The following PCLO variants were observed in gnomAD, a reference collection of about 807,000 sequenced individuals.
The protein encoded by PCLO is protein piccolo.
Under a neutral mutation model 427.5 loss-of-function variants are expected in PCLO, and 82 were observed. That is an observed-to-expected ratio of 0.19 (90% CI 0.16 to 0.23). PCLO has a LOEUF of 0.23. Among genes scored for constraint, PCLO ranks in the 10% least tolerant of loss-of-function variants. The pLI, the probability that PCLO is intolerant of heterozygous loss-of-function variation, is 1.00. For missense variants in PCLO, 6,239 were observed against 6,115.9 expected (o/e 1.02, Z -0.67); for synonymous variants, 2,357 against 2,155.4 (o/e 1.09, Z -2.59).
At chr7:82,781,621 A>T (rs1201831800) in intron 22 of PCLO, among the ~76,000 whole-genome samples, 1 of 152,118 alleles carries the variant, frequency 6.6e-6, no homozygotes, top group Admixed American at 6.5e-5. Context: ...CCCTTATTAC[A>T]GTCTTTTGTT....
intron 20 of PCLO, chr7:82,821,726 A>G: frequency 2.0e-6 from 2 of 983,582 alleles, no homozygotes; most frequent in Non-Finnish European, 2.4e-6. Context: ...TAGAAAAAAT[A>G]TCTGTAAAAT....
chr7:82,769,127 T>G (rs1790593141), intron 22 of PCLO, among the ~76,000 whole-genome samples: 2 of 152,166 alleles, frequency 1.3e-5, no homozygotes, highest in South Asian at 2.1e-4. Flanking sequence ...AAACACTGAC[T>G]TCATGGGAAT....
chr7:82,862,566 CAAAAAAAAAA>C (rs36075501), intron 10 of PCLO, among the ~76,000 whole-genome samples: 2 of 92,232 alleles, frequency 2.2e-5, no homozygotes, highest in Non-Finnish European at 4.3e-5. Context: ...GACTCTGCCT[CAAAAAAAAAA>C]AAAAAAAAAA....
At chr7:82,822,286 G>C (rs1562801280) in intron 20 of PCLO, 1 of 1,407,940 alleles carries the variant, frequency 7.1e-7, no homozygotes, top group Non-Finnish European at 9.2e-7. Context: ...GAAACAGCCA[G>C]TTTTATTTCA....
At chr7:83,075,162 A>C (rs959191137) in intron 3 of PCLO, among the ~76,000 whole-genome samples, 7 of 152,192 alleles carry the variant, frequency 4.6e-5, no homozygotes, top group African/African-American at 1.7e-4. Flanking sequence ...TGTTACTATC[A>C]AACCTAAAAA....
chr7:82,974,134 C>A (rs1449136298), intron 3 of PCLO, among the ~76,000 whole-genome samples: 1 of 152,070 alleles, frequency 6.6e-6, no homozygotes, highest in East Asian at 1.9e-4. Context: ...CATCTGTAAT[C>A]CTAGCACTTT....
chr7:83,159,662 G>A (rs977792122), intron 1 of PCLO, among the ~76,000 whole-genome samples: 6 of 151,990 alleles, frequency 3.9e-5, no homozygotes, highest in Non-Finnish European at 8.8e-5. Context: ...TATGCAAAAT[G>A]TAGGAATGTA....
rs760756481 is a variant in PCLO, at chr7:83,038,053, TTA to T, written c.3301-71568_3301-71567del. Among the ~76,000 whole-genome samples, 7 of 44,798 alleles carry T rather than the reference TTA, an allele frequency of 1.6e-4. 2 individuals carry two copies. Among genetic ancestry groups the T allele is most frequent in the Non-Finnish European group, 2.6e-4 (7 of 27,374 alleles). The allele number at this position is 44,798 out of a possible 152,430, so 29.4% of individuals were successfully genotyped here. ...TATTTATATATTTATATATATATCT[TTA>T]TATATATATTTATATATTTATATAT... On this transcript the variant is annotated intron_variant, in intron 3 of 24. Transcript: ENST00000333891.
chr7:83,041,492 G>T (rs561577956), intron 3 of PCLO, among the ~76,000 whole-genome samples: 1 of 152,204 alleles, frequency 6.6e-6, no homozygotes, highest in African/African-American at 2.4e-5. Flanking sequence ...GGGAGAAAAA[G>T]CTTGGTTAAT....
intron 20 of PCLO, among the ~76,000 whole-genome samples, chr7:82,812,232 T>C (rs943234366): frequency 3.3e-5 from 5 of 151,564 alleles, no homozygotes; most frequent in Non-Finnish European, 7.4e-5. Context: ...ATTATCTGGC[T>C]TTATAGATAA....
At chr7:82,779,419 T>C (rs577801982) in intron 22 of PCLO, among the ~76,000 whole-genome samples, 1 of 152,298 alleles carries the variant, frequency 6.6e-6, no homozygotes, top group Non-Finnish European at 1.5e-5. Flanking sequence ...TGTAGTTAGA[T>C]ATATTTAATT....
intron 2 of PCLO, among the ~76,000 whole-genome samples, chr7:83,143,802 A>ACTTCTAAACTGCCT: frequency 6.6e-6 from 1 of 152,312 alleles, no homozygotes; most frequent in African/African-American, 2.4e-5. Flanking sequence ...ATGCATTAAC[A>ACTTCTAAACTGCCT]CTTCTAAACT....
chr7:83,030,127 AAAAAAAAG>A (rs1421298769), intron 3 of PCLO, among the ~76,000 whole-genome samples: 2 of 145,204 alleles, frequency 1.4e-5, no homozygotes, highest in Non-Finnish European at 3.1e-5. Context: ...AAGAAAAAAA[AAAAAAAAG>A]AAAAGAAAAG....
intron 2 of PCLO, among the ~76,000 whole-genome samples, chr7:83,138,050 A>C (rs1221068056): frequency 6.6e-6 from 1 of 152,144 alleles, no homozygotes; most frequent in Non-Finnish European, 1.5e-5. Context: ...TGTTTTTCTC[A>C]TTAATTTTCT....
intron 3 of PCLO, among the ~76,000 whole-genome samples, chr7:83,032,269 T>C (rs1228626201): frequency 1.3e-5 from 2 of 152,104 alleles, no homozygotes; most frequent in African/African-American, 4.8e-5. Flanking sequence ...CTTTAAGTAT[T>C]GCACACTTTA....
At position 83,019,065 on chromosome 7, in the gene PCLO, T is replaced by C. The variant is rs559371966; in HGVS notation, c.3301-52578A>G. 2.0e-5 allele frequency among the ~76,000 whole-genome samples: 3 copies of C among 152,140 alleles called. No individual in the cohort carries two copies. In the East Asian group the frequency reaches 5.8e-4, roughly 29 times the overall value. ...CTCACATCCTACAAAGAAAGTATAA[T>C]TTATTATATTTTCCATAATATTCCT... On this transcript the variant is annotated intron_variant, in intron 3 of 24. Transcript: ENST00000333891.
chr7:83,121,465 G>C (rs1791277556), intron 3 of PCLO, among the ~76,000 whole-genome samples: 1 of 151,754 alleles, frequency 6.6e-6, no homozygotes, highest in Non-Finnish European at 1.5e-5. Context: ...AAAGAAAGAA[G>C]AGAAAACCAA....
At chr7:83,031,502 C>A (rs1022304124) in intron 3 of PCLO, among the ~76,000 whole-genome samples, 2 of 152,034 alleles carry the variant, frequency 1.3e-5, no homozygotes, top group African/African-American at 4.8e-5. Context: ...AATATGGGTA[C>A]CATTTCATCT....
At chr7:83,050,227 A>AAAAAAAAAAAAC (rs71074611) in intron 3 of PCLO, among the ~76,000 whole-genome samples, 1 of 85,648 alleles carries the variant, frequency 1.2e-5, no homozygotes, top group Non-Finnish European at 2.7e-5. Context: ...AAAAAAAAAA[A>AAAAAAAAAAAAC]AAAAAAAAAA....
Sources: allele counts gnomAD v4.1 joint callset (sites outside exome capture counted in the v4.1 genomes callset), GRCh38; gene constraint gnomAD v4.1.1; transcripts MANE v1.5; gene names NCBI Gene and HGNC (gene_info 2026-07-23, HGNC 2026-07-21).